Variants in GNAI1 observed in about 807,000 individuals in gnomAD.
GNAI1 encodes the protein G protein subunit alpha i1, also known as guanine nucleotide-binding protein G(i) subunit alpha-1.
Under a neutral mutation model 38.9 loss-of-function variants are expected in GNAI1, and 11 were observed. That is an observed-to-expected ratio of 0.28 (90% CI 0.18 to 0.47). The LOEUF is 0.47. GNAI1 is among the 20% of genes least tolerant of loss of function. The pLI, the probability that GNAI1 is intolerant of heterozygous loss-of-function variation, is 0.99. For synonymous variants in GNAI1, 166 were observed against 145.1 expected, an observed-to-expected ratio of 1.14 and a Z score of -1.04; for missense variants, 317 against 436.9, an observed-to-expected ratio of 0.73 and a Z score of 2.45.
chr7:80,138,137 ATGT>A (rs965608301), intron 1 of GNAI1, among the ~76,000 whole-genome samples: 3 of 152,072 alleles, frequency 2.0e-5, no homozygotes, highest in African/African-American at 7.2e-5. Flanking sequence ...TCATCACATG[ATGT>A]TTTTTAAATT....
Position 80,220,465 on chromosome 7 carries a change from G to A in GNAI1, c.*2972G>A, listed in dbSNP as rs187884390. ...CATGATTCTGATAGAGCTGCCAATCGCATTTCTTACTTCTCCGTCTCTAGG... is the reference window on the plus strand; with the variant it reads ...CATGATTCTGATAGAGCTGCCAATCACATTTCTTACTTCTCCGTCTCTAGG... On this transcript the variant is annotated 3_prime_UTR_variant, in exon 8 of 8. Coordinates refer to ENST00000649796, the MANE Select transcript of GNAI1 (RefSeq NM_002069.6). Among the ~76,000 whole-genome samples the A allele has an allele frequency of 3.9e-5, 6 of 152,204 alleles. No individual in the cohort carries two copies. The highest frequency in any genetic ancestry group is 7.2e-5 in the African/African-American group (3 of 41,532).
rs1399657635 is a variant in GNAI1, at chr7:80,203,647, A to G, written c.462-57A>G. On this transcript the variant is annotated intron_variant, in intron 4 of 7. Transcript: ENST00000649796. ...AAATGTGTTTTAATTTTTGTTTTGG[A>G]TGATCTTTATTGGCTATATTTACCA... 6 of 1,105,048 alleles carry G rather than the reference A, an allele frequency of 5.4e-6. No individual in the cohort carries two copies. The Admixed American group carries it at 9.6e-5, about 18-fold the overall frequency. The allele number at this position is 1,105,048 out of a possible 1,614,324, so 68.5% of individuals were successfully genotyped here. A position where few individuals can be genotyped will look rare whatever the true frequency, so the allele number is the denominator to read the frequency against.
At chr7:80,178,534 C>G (rs1788233551) in intron 1 of GNAI1, among the ~76,000 whole-genome samples, 1 of 152,158 alleles carries the variant, frequency 6.6e-6, no homozygotes, top group South Asian at 2.1e-4. Context: ...GCAGCCATCA[C>G]CATGGAGGCA....
In GNAI1 at chr7:80,177,116, C is replaced by T. The variant is rs555518604; in HGVS notation, c.119-11835C>T. Among the ~76,000 whole-genome samples, 70 of 147,852 alleles carry T rather than the reference C, an allele frequency of 4.7e-4. 1 individual carries two copies. Among genetic ancestry groups the T allele is most frequent in the Non-Finnish European group, 9.7e-4 (65 of 67,114 alleles). ...CACAATCTTGGCTCACTGCAAGCTC[C>T]GCCTCCCGGGTTCATGCCATTCTCC... On this transcript the variant is annotated intron_variant, in intron 1 of 7. Coordinates refer to ENST00000649796, the MANE Select transcript of GNAI1 (RefSeq NM_002069.6).
intron 1 of GNAI1, among the ~76,000 whole-genome samples, chr7:80,147,980 G>T (rs536624826): frequency 4.6e-5 from 7 of 152,072 alleles, no homozygotes; most frequent in Non-Finnish European, 1.0e-4. Flanking sequence ...ACACATTATT[G>T]GAACATTTCA....
At chr7:80,180,322 AGTGTGT>A (rs59104301) in intron 1 of GNAI1, among the ~76,000 whole-genome samples, 4,956 of 149,372 alleles carry the variant, frequency 0.033, 211 homozygotes, top group African/African-American at 0.099. Context: ...ATTCTTATAA[AGTGTGT>A]GTGTGTGTGT....
chr7:80,191,285 CGAG>C (rs952625587), intron 3 of GNAI1, among the ~76,000 whole-genome samples: 7 of 151,760 alleles, frequency 4.6e-5, no homozygotes, highest in Admixed American at 3.3e-4. Flanking sequence ...GGCCTGGACA[CGAG>C]GAAGGGGCAT....
chr7:80,150,329 A>G (rs1787701513), intron 1 of GNAI1, among the ~76,000 whole-genome samples: 1 of 152,240 alleles, frequency 6.6e-6, no homozygotes, highest in South Asian at 2.1e-4. Flanking sequence ...AAATGAGGGT[A>G]TATACTGAAA....
chr7:80,209,628 G>T (rs887582991), intron 5 of GNAI1, among the ~76,000 whole-genome samples: 3 of 152,120 alleles, frequency 2.0e-5, no homozygotes, highest in Admixed American at 2.0e-4. Context: ...GTGGGCTAGG[G>T]TCATTTGGGT....
intron 1 of GNAI1, among the ~76,000 whole-genome samples, chr7:80,172,813 CA>C (rs933361682): frequency 1.3e-5 from 2 of 151,982 alleles, no homozygotes; most frequent in Non-Finnish European, 2.9e-5. Context: ...AAAACCAAAA[CA>C]AATTTTTTTT....
chr7:80,153,167 AGTG>A (rs1347276920), intron 1 of GNAI1, among the ~76,000 whole-genome samples: 1 of 152,196 alleles, frequency 6.6e-6, no homozygotes. Context: ...CCTGCATGAT[AGTG>A]GTGGAGATTC....
chr7:80,183,987 G>GCATTTAAAA (rs1788345564), intron 1 of GNAI1, among the ~76,000 whole-genome samples: 2 of 152,028 alleles, frequency 1.3e-5, no homozygotes, highest in African/African-American at 4.8e-5. Flanking sequence ...GTGCTCCTTT[G>GCATTTAAAA]TCCTCAGCAC....
At chr7:80,144,720 G>T (rs1026013335) in intron 1 of GNAI1, among the ~76,000 whole-genome samples, 3 of 152,158 alleles carry the variant, frequency 2.0e-5, no homozygotes, top group African/African-American at 7.2e-5. Context: ...GATGGAACTT[G>T]TAAGTAAACT....
At chr7:80,143,151 T>A (rs1222383681) in intron 1 of GNAI1, among the ~76,000 whole-genome samples, 1 of 152,226 alleles carries the variant, frequency 6.6e-6, no homozygotes, top group Non-Finnish European at 1.5e-5. Context: ...ATTTGTAAGA[T>A]GTGTTCCATG....
At chr7:80,208,785 A>G (rs961920580) in intron 5 of GNAI1, among the ~76,000 whole-genome samples, 1 of 152,168 alleles carries the variant, frequency 6.6e-6, no homozygotes, top group Admixed American at 6.5e-5. Flanking sequence ...CTTTGCTTGC[A>G]GTTTTCCTCA....
chr7:80,167,364 C>T (rs1788029108), intron 1 of GNAI1, among the ~76,000 whole-genome samples: 1 of 152,064 alleles, frequency 6.6e-6, no homozygotes, highest in African/African-American at 2.4e-5. Context: ...AGATGGTGGT[C>T]AGTGTCACAA....
intron 1 of GNAI1, among the ~76,000 whole-genome samples, chr7:80,156,648 G>T (rs546205827): frequency 6.6e-6 from 1 of 152,120 alleles, no homozygotes; most frequent in East Asian, 1.9e-4. Context: ...TTCCCAGGCT[G>T]GTCTTAAACT....
chr7:80,191,644 G>T (rs1584039662), intron 3 of GNAI1, among the ~76,000 whole-genome samples: 1 of 151,962 alleles, frequency 6.6e-6, no homozygotes, highest in Non-Finnish European at 1.5e-5. Flanking sequence ...CGCCCACCTC[G>T]GCCTCCCAAA....
intron 1 of GNAI1, among the ~76,000 whole-genome samples, chr7:80,164,019 C>A: frequency 4.1e-5 from 4 of 97,124 alleles, no homozygotes; most frequent in South Asian, 3.6e-4. Flanking sequence ...CACCAGGCTT[C>A]TTTGTCAAAC....
Sources: gnomAD v4.1 joint callset for allele counts (sites outside exome capture counted in the v4.1 genomes callset) on GRCh38, gnomAD v4.1.1 for gene constraint, MANE v1.5 for transcripts, NCBI Gene and HGNC (gene_info 2026-07-23, HGNC 2026-07-21) for gene names.